The following GRID2 variants were observed in gnomAD, a reference collection of about 807,000 sequenced individuals.
The protein encoded by GRID2 is glutamate receptor ionotropic, delta-2.
GRID2 carries 33 observed loss-of-function variants against 114.8 expected under a neutral mutation model. The observed-to-expected ratio is 0.29, with a 90% CI of 0.22 to 0.38. GRID2 has a LOEUF of 0.38. GRID2 is among the 10% of genes least tolerant of loss of function. The pLI is 1.00. For missense variants in GRID2, 1,184 were observed against 1,257.7 expected (o/e 0.94, Z 0.89); for synonymous variants, 505 against 449.9 (o/e 1.12, Z -1.55).
chr4:93,034,009 G>C (rs899742131), intron 2 of GRID2, among the ~76,000 whole-genome samples: 1 of 152,134 alleles, frequency 6.6e-6, no homozygotes, highest in African/African-American at 2.4e-5. Flanking sequence ...AAGATGAATC[G>C]TCAGCTCTCC....
intron 4 of GRID2, among the ~76,000 whole-genome samples, chr4:93,160,833 C>T (rs1437528595): frequency 6.6e-6 from 1 of 151,788 alleles, no homozygotes; most frequent in Non-Finnish European, 1.5e-5. Context: ...AATGCATATT[C>T]TTAGGCACCA....
At chr4:92,874,514 T>C (rs1745491963) in intron 2 of GRID2, among the ~76,000 whole-genome samples, 1 of 152,176 alleles carries the variant, frequency 6.6e-6, no homozygotes, top group Non-Finnish European at 1.5e-5. Flanking sequence ...GGGTTCAATA[T>C]GACTTTTACA....
chr4:93,094,842 A>G (rs1299813229), intron 3 of GRID2, among the ~76,000 whole-genome samples: 7 of 152,056 alleles, frequency 4.6e-5, no homozygotes, highest in African/African-American at 1.2e-4. Flanking sequence ...AAAGACATCA[A>G]TTCACTGAGC....
rs1189403993 is a variant in GRID2, at chr4:92,652,809, AT to A, written c.244+62524del. On this transcript the variant is annotated intron_variant, in intron 2 of 15. Coordinates refer to ENST00000282020, the MANE Select transcript of GRID2 (RefSeq NM_001510.4). ...TGGCCAAGATGGTGAAAAAAAAAAT[AT>A]ATATATATATATAAATATATATAAA... Among the ~76,000 whole-genome samples, 10 of 136,170 alleles carry A rather than the reference AT, an allele frequency of 7.3e-5. 1 individual carries two copies. Among genetic ancestry groups the A allele is most frequent in the African/African-American group, 2.5e-4 (9 of 36,584 alleles). 89.3% of individuals were successfully genotyped at this position (136,170 alleles called of 152,430 possible). A position where few individuals can be genotyped will look rare whatever the true frequency, so the allele number is the denominator to read the frequency against.
Position 93,697,903 on chromosome 4 carries a change from G to A in GRID2, c.2361-71307G>A, listed in dbSNP as rs1384959845. On this transcript the variant is annotated intron_variant, in intron 14 of 15. Transcript: ENST00000282020. ...TATTTCAAAACAATACGTTGTACAC[G>A]ATACAATTTTGTCCATTTTTTTAAA... is the stretch of plus-strand genomic sequence containing the variant. Among the ~76,000 whole-genome samples, 10 of 78,150 alleles carry A rather than the reference G, an allele frequency of 1.3e-4. No homozygotes were observed. In the South Asian group the frequency reaches 2.8e-3, roughly 22 times the overall value. 51.3% of individuals were successfully genotyped at this position (78,150 alleles called of 152,430 possible). A position where few individuals can be genotyped will look rare whatever the true frequency, so the allele number is the denominator to read the frequency against.
intron 1 of GRID2, among the ~76,000 whole-genome samples, chr4:92,533,245 T>C (rs1725439413): frequency 6.6e-6 from 1 of 151,576 alleles, no homozygotes; most frequent in Middle Eastern, 3.2e-3. Flanking sequence ...TTTAAATCTG[T>C]ATGGGAGCCC....
At chr4:92,314,188 T>A (rs184168319) in intron 1 of GRID2, among the ~76,000 whole-genome samples, 2 of 152,110 alleles carry the variant, frequency 1.3e-5, no homozygotes, top group East Asian at 3.9e-4. Context: ...AGAGTTTAGA[T>A]TTCATTTAGT....
At position 92,599,015 on chromosome 4, in the gene GRID2, T is replaced by C. The variant is rs1478708690; in HGVS notation, c.244+8729T>C. Among the ~76,000 whole-genome samples the C allele has an allele frequency of 2.0e-5, 3 of 150,274 alleles. No individual in the cohort carries two copies. In the South Asian group the frequency reaches 6.3e-4, roughly 31 times the overall value. On this transcript the variant is annotated intron_variant, in intron 2 of 15. Coordinates refer to ENST00000282020, the MANE Select transcript of GRID2 (RefSeq NM_001510.4). ...GTGCTGTGGTTTTAAATATATATAA[T>C]GAAATGCTTTTCCTTTTTTTTTTTT...
intron 14 of GRID2, among the ~76,000 whole-genome samples, chr4:93,716,437 CA>C (rs1437458845): frequency 6.6e-6 from 1 of 152,048 alleles, no homozygotes; most frequent in Non-Finnish European, 1.5e-5. Context: ...CAAAATATAG[CA>C]GGGACATAAT....
chr4:93,754,440 A>G (rs905106401), intron 14 of GRID2, among the ~76,000 whole-genome samples: 15 of 152,198 alleles, frequency 9.9e-5, no homozygotes, highest in African/African-American at 1.4e-4. Context: ...TCTTTCTATG[A>G]CAGTATGTCC....
chr4:93,452,936 T>A (rs911867128), intron 10 of GRID2, among the ~76,000 whole-genome samples: 1 of 151,606 alleles, frequency 6.6e-6, no homozygotes, highest in East Asian at 2.0e-4. Flanking sequence ...ATGTGCACAA[T>A]GTGCAGGTTA....
At chr4:92,948,659 A>G (rs531372401) in intron 2 of GRID2, among the ~76,000 whole-genome samples, 2 of 152,088 alleles carry the variant, frequency 1.3e-5, no homozygotes, top group East Asian at 3.9e-4. Flanking sequence ...ATTGCCTAGA[A>G]TAAACGTTCT....
intron 4 of GRID2, among the ~76,000 whole-genome samples, chr4:93,147,469 CT>C (rs146178889): frequency 5.9e-5 from 9 of 151,936 alleles, no homozygotes; most frequent in East Asian, 1.9e-4. Flanking sequence ...AGAAAATGTA[CT>C]TTTTTTTGAA....
intron 9 of GRID2, among the ~76,000 whole-genome samples, chr4:93,396,839 G>A (rs1480784910): frequency 2.0e-5 from 3 of 151,846 alleles, no homozygotes; most frequent in Admixed American, 6.6e-5. Flanking sequence ...CATAAACCAC[G>A]AAGGCATACA....
chr4:93,677,395 A>C (rs922565784), intron 14 of GRID2, among the ~76,000 whole-genome samples: 2 of 152,140 alleles, frequency 1.3e-5, no homozygotes, highest in Non-Finnish European at 2.9e-5. Flanking sequence ...GCAGACTTAA[A>C]TGTCCCTATC....
In GRID2 at chr4:93,680,047, A is replaced by G. The variant is rs1349110269; in HGVS notation, c.2360+53612A>G. On this transcript the variant is annotated intron_variant, in intron 14 of 15. Coordinates refer to ENST00000282020, the MANE Select transcript of GRID2 (RefSeq NM_001510.4). ...GACCGCTAGCAAGACTAATAAAGAA[A>G]AAAAGAGAGAAGAATCAAATAGATG... Among the ~76,000 whole-genome samples, 18 of 151,176 alleles carry G rather than the reference A, an allele frequency of 1.2e-4. 1 individual carries two copies. The highest frequency in any genetic ancestry group is 1.7e-4 in the African/African-American group (7 of 40,778).
intron 3 of GRID2, among the ~76,000 whole-genome samples, chr4:93,107,186 C>T (rs1732319661): frequency 6.6e-6 from 1 of 152,106 alleles, no homozygotes; most frequent in South Asian, 2.1e-4. Flanking sequence ...GCAGTCTCAG[C>T]TGCTCAGGAG....
intron 2 of GRID2, among the ~76,000 whole-genome samples, chr4:92,923,472 G>A (rs1456361): frequency 0.33 from 49,856 of 151,858 alleles, 8,628 homozygotes; most frequent in Admixed American, 0.48. Context: ...AAATTCAAGT[G>A]AATAGTACTA....
intron 1 of GRID2, among the ~76,000 whole-genome samples, chr4:92,433,988 C>G (rs565263629): frequency 6.6e-6 from 1 of 152,266 alleles, no homozygotes; most frequent in Non-Finnish European, 1.5e-5. Context: ...ACAGTGGGAT[C>G]ATGGATTTAA....
Sources: gnomAD v4.1 joint callset for allele counts (sites outside exome capture counted in the v4.1 genomes callset) on GRCh38, gnomAD v4.1.1 for gene constraint, MANE v1.5 for transcripts, NCBI Gene and HGNC (gene_info 2026-07-23, HGNC 2026-07-21) for gene names.